DNMT3B: variants seen among roughly 807,000 people sequenced by gnomAD.
DNMT3B encodes DNA (cytosine-5)-methyltransferase 3B.
In DNMT3B, 37 loss-of-function variants were observed where a neutral mutation model predicts 120.2. The observed-to-expected ratio is 0.31, with a 90% CI of 0.24 to 0.40. The LOEUF (loss-of-function observed/expected upper bound fraction) is 0.40, where lower values mean the gene tolerates loss of function less well. Ranked by LOEUF, DNMT3B falls within the 10% of genes least tolerant of loss-of-function variation. DNMT3B has a pLI of 1.00. For synonymous variants in DNMT3B, 412 were observed against 442.8 expected, an observed-to-expected ratio of 0.93 and a Z score of 0.87; for missense variants, 878 against 1,137.3, an observed-to-expected ratio of 0.77 and a Z score of 3.28.
In DNMT3B at chr20:32,798,175, C is replaced by T. The variant is rs146243295; in HGVS notation, c.1491-285C>T. Among the ~76,000 whole-genome samples, 7 of 152,206 alleles carry T rather than the reference C, an allele frequency of 4.6e-5. No homozygotes were observed. The East Asian group carries it at 1.2e-3, about 25-fold the overall frequency. ...GTAGGGTGTCAGGGAAGGCTAATTC[C>T]CTGGTTTGCCAGTTGGCCTGTAATC... On this transcript the variant is annotated intron_variant, in intron 14 of 22. Coordinates refer to ENST00000328111, the MANE Select transcript of DNMT3B (RefSeq NM_006892.4).
intron 3 of DNMT3B, among the ~76,000 whole-genome samples, chr20:32,782,801 C>G (rs1049047838): frequency 6.6e-6 from 1 of 152,152 alleles, no homozygotes; most frequent in African/African-American, 2.4e-5. Flanking sequence ...TTGCATGTAT[C>G]CCCCCTGGAT....
intron 1 of DNMT3B, among the ~76,000 whole-genome samples, chr20:32,767,064 A>G (rs562387804): frequency 1.3e-4 from 19 of 151,378 alleles, no homozygotes; most frequent in Admixed American, 3.3e-4. Context: ...CTAATTCTGT[A>G]TTTTTTTAGT....
chr20:32,771,585 G>A (rs6087420), intron 1 of DNMT3B, among the ~76,000 whole-genome samples: 82,530 of 148,072 alleles, frequency 0.56, 24,698 homozygotes, highest in East Asian at 0.99. Context: ...ACAGTGACCC[G>A]AGATCATGCC....
intron 16 of DNMT3B, 39 bp from the exon 17 acceptor site, chr20:32,800,114 A>G: frequency 6.2e-7 from 1 of 1,613,864 alleles, no homozygotes. Context: ...CTGTGTGCTC[A>G]GCATCATTTA....
At chr20:32,801,197 A>G (rs1208771347) in intron 18 of DNMT3B, 81 bp from the exon 19 acceptor site, 1 of 1,603,564 alleles carries the variant, frequency 6.2e-7, no homozygotes, top group East Asian at 2.2e-5. Context: ...GGCCATTGGG[A>G]ACCTGCTGGT....
At chr20:32,787,543 A>G in intron 6 of DNMT3B, 92 bp downstream of exon 6, 2 of 1,384,942 alleles carry the variant, frequency 1.4e-6, no homozygotes, top group Middle Eastern at 2.5e-4. Flanking sequence ...ACAGAGCGAC[A>G]ACAGTTGTTA....
At position 32,808,164 on chromosome 20, in the gene DNMT3B, T is replaced by C. The variant is rs1982171095; in HGVS notation, c.*261T>C. On this transcript the variant is annotated 3_prime_UTR_variant, in exon 23 of 23. Coordinates refer to ENST00000328111, the MANE Select transcript of DNMT3B (RefSeq NM_006892.4). ...CTCATTTTTTCTTCTCCTAAAACTT[T>C]AAAACTTGAAGTAGGTAGCAACGTG... 1.9e-6 allele frequency: 1 copy of C among 532,294 alleles called. No individual in the cohort carries two copies. The highest frequency in any genetic ancestry group is 3.3e-5 in the East Asian group (1 of 30,088). The allele number at this position is 532,294 out of a possible 1,614,324, so 33.0% of individuals were successfully genotyped here. A position where few individuals can be genotyped will look rare whatever the true frequency, so the allele number is the denominator to read the frequency against.
At chr20:32,765,756 T>C (rs530122952) in intron 1 of DNMT3B, among the ~76,000 whole-genome samples, 5 of 76,178 alleles carry the variant, frequency 6.6e-5, no homozygotes, top group East Asian at 9.1e-4. Flanking sequence ...TTTTCTTTTT[T>C]TCTTTTTTTT....
chr20:32,773,922 C>T (rs1195485960), intron 1 of DNMT3B, among the ~76,000 whole-genome samples: 5 of 138,954 alleles, frequency 3.6e-5, no homozygotes, highest in Admixed American at 2.1e-4. Context: ...TGAGCCACTG[C>T]GCCCGGCAGT....
Position 32,791,728 on chromosome 20 carries a change from T to C in DNMT3B, c.921+20T>C, listed in dbSNP as rs1403606614. The C allele has an allele frequency of 1.2e-6, 2 of 1,612,164 alleles. No individual in the cohort carries two copies. The highest frequency in any genetic ancestry group is 1.7e-6 in the Non-Finnish European group (2 of 1,178,382). On this transcript the variant is annotated intron_variant, in intron 8 of 22. Transcript: ENST00000328111. ...CTGGAGGTAACATGGGATGAGGGAA[T>C]GAGGGCTAAGCCCTGAGAGCAGGGA...
chr20:32,784,537 A>T (rs1568835930), intron 3 of DNMT3B, among the ~76,000 whole-genome samples: 1 of 152,138 alleles, frequency 6.6e-6, no homozygotes, highest in Non-Finnish European at 1.5e-5. Context: ...TGAGGCCTGC[A>T]CGAGGAAGCC....
At chr20:32,784,641 T>C in intron 3 of DNMT3B, 117 bp from the exon 4 acceptor site, 1 of 1,089,504 alleles carries the variant, frequency 9.2e-7, no homozygotes, top group Non-Finnish European at 1.4e-6. Context: ...TTGTGATGAG[T>C]GACCCGGTCT....
chr20:32,767,492 C>T (rs1401124030), intron 1 of DNMT3B, among the ~76,000 whole-genome samples: 1 of 151,872 alleles, frequency 6.6e-6, no homozygotes, highest in East Asian at 1.9e-4. Context: ...TGCAGTGGTG[C>T]GATCATAGCT....
At chr20:32,797,665 C>CT (rs34902104) in intron 14 of DNMT3B, among the ~76,000 whole-genome samples, 87,648 of 146,804 alleles carry the variant, frequency 0.6, 28,721 homozygotes, top group East Asian at 0.98. Flanking sequence ...GCTAGTTATT[C>CT]TTTTTTTTTT....
At chr20:32,765,265 A>G (rs1987241833) in intron 1 of DNMT3B, among the ~76,000 whole-genome samples, 1 of 152,100 alleles carries the variant, frequency 6.6e-6, no homozygotes, top group Non-Finnish European at 1.5e-5. Flanking sequence ...TTTCATGTGC[A>G]GGCCACTCTT....
intron 3 of DNMT3B, among the ~76,000 whole-genome samples, chr20:32,782,369 T>G (rs1568833577): frequency 2.0e-5 from 3 of 152,344 alleles, no homozygotes; most frequent in South Asian, 4.1e-4. Context: ...TACTGAAAAC[T>G]ATAAAAATGA....
chr20:32,763,120 C>T (rs970863017), intron 1 of DNMT3B, among the ~76,000 whole-genome samples: 4 of 152,136 alleles, frequency 2.6e-5, no homozygotes, highest in African/African-American at 7.2e-5. Context: ...AATTACCTGG[C>T]CTCTGCCTTG....
intron 19 of DNMT3B, 68 bp from the exon 20 acceptor site, chr20:32,802,317 G>C (rs771117521): frequency 2.7e-5 from 41 of 1,535,466 alleles, no homozygotes; most frequent in Non-Finnish European, 3.6e-6. Context: ...CCTGTCACCT[G>C]CAAAGGTCTG....
chr20:32,778,293 G>T (rs1013281996), intron 1 of DNMT3B, among the ~76,000 whole-genome samples: 13 of 151,852 alleles, frequency 8.6e-5, no homozygotes, highest in Non-Finnish European at 1.5e-4. Flanking sequence ...CTGAGATCGT[G>T]CCATTGCATT....
Sources: allele counts gnomAD v4.1 joint callset (sites outside exome capture counted in the v4.1 genomes callset), GRCh38; gene constraint gnomAD v4.1.1; transcripts MANE v1.5; gene names NCBI Gene and HGNC (gene_info 2026-07-23, HGNC 2026-07-21).